CTNNA3: variants seen among roughly 807,000 people sequenced by gnomAD.
The protein encoded by CTNNA3 is catenin alpha-3.
A neutral mutation model predicts 95.7 loss-of-function variants in CTNNA3; 76 were observed. The observed-to-expected ratio is 0.79, with a 90% confidence interval of 0.66 to 0.96. The LOEUF is 0.96. Among genes scored for constraint, CTNNA3 ranks in the 40% least tolerant of loss-of-function variants. The pLI, the probability that CTNNA3 is intolerant of heterozygous loss-of-function variation, is 0.00. For missense variants in CTNNA3, 1,191 were observed against 1,089.8 expected (o/e 1.09, Z -1.31); for synonymous variants, 431 against 374.4 (o/e 1.15, Z -1.74).
chr10:67,125,212 C>G (rs1268687735), intron 7 of CTNNA3, among the ~76,000 whole-genome samples: 1 of 152,022 alleles, frequency 6.6e-6, no homozygotes, highest in Non-Finnish European at 1.5e-5. Context: ...CCAAAACAAC[C>G]ACAGTTGAAA....
At chr10:66,958,609 C>T (rs1235343974) in intron 7 of CTNNA3, among the ~76,000 whole-genome samples, 1 of 151,810 alleles carries the variant, frequency 6.6e-6, no homozygotes, top group African/African-American at 2.4e-5. Context: ...TAAATACTTA[C>T]AGAAAACAAA....
At chr10:66,913,260 A>AAAAAAAG (rs1846313864) in intron 7 of CTNNA3, among the ~76,000 whole-genome samples, 1 of 146,140 alleles carries the variant, frequency 6.8e-6, no homozygotes, top group African/African-American at 2.5e-5. Flanking sequence ...AAAAAAAAAA[A>AAAAAAAG]AAAAAGAAAA....
chr10:66,691,643 G>T (rs1431765030), intron 9 of CTNNA3, among the ~76,000 whole-genome samples: 2 of 152,184 alleles, frequency 1.3e-5, no homozygotes, highest in African/African-American at 4.8e-5. Context: ...ATCTGAGAAT[G>T]GGCAGACTGC....
At chr10:66,883,897 T>C (rs949764943) in intron 7 of CTNNA3, among the ~76,000 whole-genome samples, 1 of 152,096 alleles carries the variant, frequency 6.6e-6, no homozygotes, top group Non-Finnish European at 1.5e-5. Context: ...AAAAGGAGTA[T>C]CTGAGGCTGA....
intron 9 of CTNNA3, among the ~76,000 whole-genome samples, chr10:66,710,859 T>C (rs10997334): frequency 0.032 from 4,907 of 152,174 alleles, 209 homozygotes; most frequent in East Asian, 0.22. Context: ...TTGTTACAAT[T>C]ACAGTTTTGT....
At chr10:66,732,551 T>A (rs1053067599) in intron 9 of CTNNA3, among the ~76,000 whole-genome samples, 1 of 152,044 alleles carries the variant, frequency 6.6e-6, no homozygotes. Flanking sequence ...AACAGGTCCT[T>A]CTTCACGTGG....
intron 7 of CTNNA3, among the ~76,000 whole-genome samples, chr10:67,034,495 T>C (rs900144705): frequency 3.3e-5 from 5 of 152,218 alleles, no homozygotes; most frequent in African/African-American, 1.2e-4. Flanking sequence ...TCTTAGGCTC[T>C]CCCTTTCTGG....
chr10:67,235,888 C>G (rs1865429123), intron 5 of CTNNA3, among the ~76,000 whole-genome samples: 1 of 142,984 alleles, frequency 7.0e-6, no homozygotes, highest in Non-Finnish European at 1.5e-5. Context: ...GACATTTATG[C>G]AGCCAAAAAA....
chr10:66,538,645 C>T (rs1347065223), intron 10 of CTNNA3, among the ~76,000 whole-genome samples: 1 of 152,120 alleles, frequency 6.6e-6, no homozygotes, highest in Non-Finnish European at 1.5e-5. Context: ...AAATAATTAT[C>T]AAAAGGTCAC....
chr10:67,326,093 A>G (rs1330266073), intron 5 of CTNNA3, among the ~76,000 whole-genome samples: 4 of 151,846 alleles, frequency 2.6e-5, no homozygotes, highest in Admixed American at 1.3e-4. Flanking sequence ...ATTTTTCTCT[A>G]TCCCTTTATT....
intron 9 of CTNNA3, among the ~76,000 whole-genome samples, chr10:66,657,849 G>A (rs969376998): frequency 9.2e-5 from 14 of 152,202 alleles, no homozygotes; most frequent in South Asian, 2.1e-4. Flanking sequence ...GAAGGCAGTC[G>A]TGCAATTAAA....
At chr10:67,139,632 CG>C (rs1352943168) in intron 7 of CTNNA3, among the ~76,000 whole-genome samples, 1 of 151,924 alleles carries the variant, frequency 6.6e-6, no homozygotes, top group Non-Finnish European at 1.5e-5. Flanking sequence ...TGGCTGGTCT[CG>C]AACTCCTGGC....
intron 17 of CTNNA3, among the ~76,000 whole-genome samples, chr10:65,957,873 C>T (rs549271520): frequency 6.6e-6 from 1 of 152,122 alleles, no homozygotes; most frequent in African/African-American, 2.4e-5. Flanking sequence ...TGGAACTGTT[C>T]TTCTTGAGGA....
At chr10:67,464,483 C>T (rs1847505466) in intron 5 of CTNNA3, among the ~76,000 whole-genome samples, 2 of 152,142 alleles carry the variant, frequency 1.3e-5, no homozygotes, top group Non-Finnish European at 2.9e-5. Flanking sequence ...TGTGTTGCTG[C>T]TGCTGATGTC....
At chr10:66,684,604 A>G (rs989333978) in intron 9 of CTNNA3, among the ~76,000 whole-genome samples, 1 of 152,112 alleles carries the variant, frequency 6.6e-6, no homozygotes, top group Admixed American at 6.5e-5. Context: ...ATGAAGGCCA[A>G]AAAAACAAGC....
chr10:65,958,155 C>T (rs1403085786), intron 17 of CTNNA3, among the ~76,000 whole-genome samples: 1 of 152,122 alleles, frequency 6.6e-6, no homozygotes, highest in Non-Finnish European at 1.5e-5. Context: ...CACTGATACC[C>T]TTTCTTCCAC....
intron 12 of CTNNA3, among the ~76,000 whole-genome samples, chr10:66,340,105 G>A (rs560186954): frequency 6.6e-6 from 1 of 151,758 alleles, no homozygotes; most frequent in Non-Finnish European, 1.5e-5. Context: ...GGTCTTGGTT[G>A]ACACTTAGAG....
chr10:66,705,999 C>A (rs1848104700), intron 9 of CTNNA3, among the ~76,000 whole-genome samples: 1 of 152,076 alleles, frequency 6.6e-6, no homozygotes. Context: ...TAAATCTTTA[C>A]TCAAGTAGTG....
At chr10:66,678,753 C>A (rs1398181379) in intron 9 of CTNNA3, among the ~76,000 whole-genome samples, 1 of 152,128 alleles carries the variant, frequency 6.6e-6, no homozygotes, top group African/African-American at 2.4e-5. Flanking sequence ...TCTAGAAGTA[C>A]ATTCTTTCCA....
Sources: allele counts gnomAD v4.1 joint callset (sites outside exome capture counted in the v4.1 genomes callset), GRCh38; gene constraint gnomAD v4.1.1; transcripts MANE v1.5; gene names NCBI Gene and HGNC (gene_info 2026-07-23, HGNC 2026-07-21).